TBC1D5: variants seen among roughly 807,000 people sequenced by gnomAD.
The protein encoded by TBC1D5 is TBC1 domain family member 5.
TBC1D5 carries 75 observed loss-of-function variants against 100.3 expected under a neutral mutation model. The ratio of observed to expected loss-of-function variants is 0.75; its 90% confidence interval spans 0.62 to 0.91. TBC1D5 has a LOEUF of 0.91. TBC1D5 is among the 40% of genes least tolerant of loss of function. TBC1D5 has a pLI of 0.00. For synonymous variants in TBC1D5, 323 were observed against 325.6 expected, an observed-to-expected ratio of 0.99 and a Z score of 0.09; for missense variants, 910 against 942.4, an observed-to-expected ratio of 0.97 and a Z score of 0.45.
intron 2 of TBC1D5, among the ~76,000 whole-genome samples, chr3:17,527,395 G>C (rs1433465065): frequency 2.0e-5 from 3 of 152,136 alleles, no homozygotes; most frequent in Admixed American, 6.5e-5. Context: ...GAAAAAGAAG[G>C]GGAAACAGAA....
At chr3:17,306,459 A>C (rs921991644) in intron 14 of TBC1D5, among the ~76,000 whole-genome samples, 2 of 152,218 alleles carry the variant, frequency 1.3e-5, no homozygotes, top group Non-Finnish European at 1.5e-5. Context: ...TATTGAAATA[A>C]ATAAATCACT....
intron 13 of TBC1D5, among the ~76,000 whole-genome samples, chr3:17,354,522 A>T (rs1485585542): frequency 6.6e-6 from 1 of 152,104 alleles, no homozygotes; most frequent in African/African-American, 2.4e-5. Context: ...GCTGCTGTTA[A>T]ATACCAGCTG....
intron 1 of TBC1D5, among the ~76,000 whole-genome samples, chr3:17,673,065 T>A (rs187078663): frequency 6.6e-6 from 1 of 151,826 alleles, no homozygotes; most frequent in African/African-American, 2.4e-5. Context: ...AGGAAAAAAA[T>A]TGCAAATAAT....
At chr3:17,479,012 G>A (rs2095470923) in intron 3 of TBC1D5, among the ~76,000 whole-genome samples, 2 of 152,190 alleles carry the variant, frequency 1.3e-5, no homozygotes, top group South Asian at 4.1e-4. Context: ...CAAGTTAACT[G>A]ATACACTATC....
rs185474467 is a variant in TBC1D5 at position 17,696,051 on chromosome 3, T to C, written c.-101+43292A>G. ...AAATAAAGATGTTCTTTGAAACCAA[T>C]GAGAACAAAGACACAATGTACCAGA... On this transcript the variant is annotated intron_variant, in intron 1 of 21. Transcript: ENST00000253692. 1.1e-4 allele frequency among the ~76,000 whole-genome samples: 17 copies of C among 152,184 alleles called. No homozygotes were observed. The East Asian group carries it at 3.1e-3, about 28-fold the overall frequency.
intron 17 of TBC1D5, among the ~76,000 whole-genome samples, chr3:17,237,014 T>C (rs1308621770): frequency 1.3e-5 from 2 of 152,228 alleles, no homozygotes; most frequent in South Asian, 2.1e-4. Context: ...TTTACCGATT[T>C]AAATGGCACT....
At chr3:17,546,006 T>C (rs1375816681) in intron 2 of TBC1D5, among the ~76,000 whole-genome samples, 1 of 152,204 alleles carries the variant, frequency 6.6e-6, no homozygotes, top group East Asian at 1.9e-4. Context: ...AGTTTGTACA[T>C]AGCAAACTGA....
intron 13 of TBC1D5, among the ~76,000 whole-genome samples, chr3:17,341,236 G>T (rs1053184959): frequency 6.6e-6 from 1 of 151,588 alleles, no homozygotes; most frequent in Non-Finnish European, 1.5e-5. Context: ...TCGCTCTGTC[G>T]CCCAGGCTGG....
intron 13 of TBC1D5, among the ~76,000 whole-genome samples, chr3:17,362,409 T>A (rs181388613): frequency 6.6e-6 from 1 of 152,142 alleles, no homozygotes; most frequent in East Asian, 1.9e-4. Flanking sequence ...AATAAAGAAC[T>A]GTCAAAACTT....
intron 2 of TBC1D5, among the ~76,000 whole-genome samples, chr3:17,619,230 C>G (rs1274519391): frequency 6.6e-6 from 1 of 152,126 alleles, no homozygotes; most frequent in Non-Finnish European, 1.5e-5. Context: ...CACAAACTTA[C>G]AAATCATAAA....
chr3:17,226,306 A>G (rs921261769), intron 17 of TBC1D5, among the ~76,000 whole-genome samples: 1 of 130,224 alleles, frequency 7.7e-6, no homozygotes, highest in Admixed American at 7.8e-5. Context: ...AGTTCTCTAC[A>G]TACCTTTTTT....
intron 20 of TBC1D5, 125 bp downstream of exon 21, chr3:17,167,624 C>A (rs1559337889): frequency 1.3e-6 from 1 of 776,438 alleles, no homozygotes; most frequent in Non-Finnish European, 2.2e-6. Flanking sequence ...GCAGAAGGGG[C>A]TCTGTCTGGG....
At chr3:17,389,430 C>T (rs187252430) in intron 8 of TBC1D5, among the ~76,000 whole-genome samples, 31 of 152,204 alleles carry the variant, frequency 2.0e-4, no homozygotes, top group East Asian at 7.7e-4. Flanking sequence ...AAAAAATAAA[C>T]GTGTCAAAAG....
At chr3:17,525,054 A>C (rs1456316717) in intron 2 of TBC1D5, among the ~76,000 whole-genome samples, 1 of 152,192 alleles carries the variant, frequency 6.6e-6, no homozygotes, top group African/African-American at 2.4e-5. Context: ...AAATTTCTGG[A>C]CACACAAGAA....
At chr3:17,465,992 A>T (rs73153017) in intron 3 of TBC1D5, among the ~76,000 whole-genome samples, 9,251 of 152,282 alleles carry the variant, frequency 0.061, 550 homozygotes, top group African/African-American at 0.15. Context: ...ATTGTGAAGA[A>T]TTCAGTCACC....
At chr3:17,248,050 G>A (rs2076886840) in intron 16 of TBC1D5, among the ~76,000 whole-genome samples, 1 of 150,590 alleles carries the variant, frequency 6.6e-6, no homozygotes, top group South Asian at 2.1e-4. Flanking sequence ...GGAGTGTGGT[G>A]GTGCAATCTC....
At chr3:17,701,341 G>C (rs1483292130) in intron 1 of TBC1D5, among the ~76,000 whole-genome samples, 1 of 152,108 alleles carries the variant, frequency 6.6e-6, no homozygotes, top group Non-Finnish European at 1.5e-5. Context: ...TAGGGGGCTG[G>C]AGGAGAGATA....
chr3:17,514,024 G>A (rs573059129), intron 2 of TBC1D5, among the ~76,000 whole-genome samples: 5 of 151,974 alleles, frequency 3.3e-5, no homozygotes, highest in Non-Finnish European at 7.4e-5. Context: ...GGGCAGAAAG[G>A]AGGAAAGAAG....
chr3:17,185,117 G>A, exon 19 of TBC1D5: 1 of 1,610,802 alleles, frequency 6.2e-7, no homozygotes. Context: ...ACCAAGATGA[G>A]TGTCCATCAC....
Sources: allele counts gnomAD v4.1 joint callset (sites outside exome capture counted in the v4.1 genomes callset), GRCh38; gene constraint gnomAD v4.1.1; transcripts MANE v1.5; gene names NCBI Gene and HGNC (gene_info 2026-07-23, HGNC 2026-07-21).